Variants in NUP58 observed in about 807,000 individuals in gnomAD.
NUP58 encodes nucleoporin 58.
NUP58 carries 17 observed loss-of-function variants against 70.1 expected under a neutral mutation model. The observed-to-expected ratio is 0.24, with a 90% CI of 0.17 to 0.36. The LOEUF is 0.36. NUP58 is among the 10% of genes least tolerant of loss of function. The probability of loss-of-function intolerance (pLI) is 1.00; values close to 1 mark genes in which losing one functional copy is unlikely to be tolerated. For synonymous variants in NUP58, 275 were observed against 257.6 expected, an observed-to-expected ratio of 1.07 and a Z score of -0.65; for missense variants, 644 against 701.5, an observed-to-expected ratio of 0.92 and a Z score of 0.93.
At chr13:25,322,316 A>G (rs1231677148) in intron 9 of NUP58, among the ~76,000 whole-genome samples, 1 of 152,226 alleles carries the variant, frequency 6.6e-6, no homozygotes, top group East Asian at 1.9e-4. Flanking sequence ...CTTTTTAATA[A>G]TGATGTGTTA....
At position 25,313,113 on chromosome 13, in the gene NUP58, C is replaced by T. The variant is rs192154909; in HGVS notation, c.436+81C>T. On this transcript the variant is annotated intron_variant, in intron 4 of 15. Transcript: ENST00000381736. ...TTAGAGAACATAGATAGTCACCTTACTACAGAAATTATTGATTTATAAAGA... is the reference window on the plus strand; with the variant it reads ...TTAGAGAACATAGATAGTCACCTTATTACAGAAATTATTGATTTATAAAGA... 2.2e-4 allele frequency: 312 copies of T among 1,447,218 alleles called. 4 individuals carry two copies. In the Admixed American group the frequency reaches 6.8e-3, roughly 31 times the overall value. 89.6% of individuals were successfully genotyped at this position (1,447,218 alleles called of 1,614,324 possible).
intron 13 of NUP58, chr13:25,334,667 A>C (rs997157786): frequency 1.0e-6 from 1 of 979,724 alleles, no homozygotes; most frequent in Non-Finnish European, 1.2e-6. Flanking sequence ...TAATTACATT[A>C]GGCATTTGGG....
intron 15 of NUP58, chr13:25,339,023 A>C (rs1220780183): frequency 4.8e-6 from 1 of 206,428 alleles, no homozygotes; most frequent in East Asian, 1.1e-4. Context: ...ATGGTTAAAT[A>C]ATTTTCTTCA....
rs767482542 is a variant in NUP58 at position 25,331,528 on chromosome 13, A to G, written c.1405A>G (p.Thr469Ala). The G allele has an allele frequency of 4.3e-6, 7 of 1,614,114 alleles. No homozygotes were observed. Among genetic ancestry groups the G allele is most frequent in the Non-Finnish European group, 5.1e-6 (6 of 1,179,998 alleles). The change falls in exon 13 of 16, where the codon ACA (threonine) becomes GCA (alanine). Residue 469 changes from threonine (T) to alanine (A), a missense_variant. Thr to Ala is a moderately conservative substitution (Grantham distance 58). Transcript: ENST00000381736. ...PNAAAVAMAA[T>A]LTQQQQPATG... The stretch of plus-strand genomic sequence containing the variant: ...CGCAGCAGCCGTTGCCATGGCTGCA[A>G]CACTTACACAGCAGCAACAGCCTGC...
chr13:25,316,206 C>A (rs2030921894), intron 6 of NUP58, among the ~76,000 whole-genome samples: 1 of 152,158 alleles, frequency 6.6e-6, no homozygotes, highest in Non-Finnish European at 1.5e-5. Context: ...AAATACCTTT[C>A]TTGCTGTGCC....
chr13:25,318,600 CAAGT>C (rs1284638353), intron 6 of NUP58, among the ~76,000 whole-genome samples: 38 of 152,154 alleles, frequency 2.5e-4, no homozygotes, highest in African/African-American at 8.4e-4. Context: ...GTGCAAATCA[CAAGT>C]AAGCAGTTCA....
intron 10 of NUP58, among the ~76,000 whole-genome samples, chr13:25,325,549 A>G (rs1392232945): frequency 6.6e-6 from 1 of 152,214 alleles, no homozygotes; most frequent in East Asian, 1.9e-4. Context: ...TGAAGATAAT[A>G]ATAACTGATG....
intron 9 of NUP58, among the ~76,000 whole-genome samples, chr13:25,324,405 A>G (rs1462700789): frequency 6.6e-6 from 1 of 152,234 alleles, no homozygotes; most frequent in Admixed American, 6.5e-5. Flanking sequence ...AAAGCAATAT[A>G]AGAATGGTTG....
chr13:25,306,931 C>T (rs1211021086), intron 1 of NUP58, among the ~76,000 whole-genome samples: 2 of 152,098 alleles, frequency 1.3e-5, no homozygotes, highest in Non-Finnish European at 2.9e-5. Flanking sequence ...TTGCGTTTAA[C>T]TTTTGCCAGG....
chr13:25,307,685 A>T, intron 1 of NUP58, 121 bp from the exon 2 acceptor site: 2 of 891,926 alleles, frequency 2.2e-6, no homozygotes, highest in Non-Finnish European at 3.4e-6. Context: ...TGTATTAGAT[A>T]TGTTATGTGA....
downstream of NUP58, among the ~76,000 whole-genome samples, chr13:25,343,704 G>T (rs958360725): frequency 6.6e-6 from 1 of 151,296 alleles, no homozygotes; most frequent in Non-Finnish European, 1.5e-5. Flanking sequence ...TAATCTGCCC[G>T]CCTCGGCCTC....
rs2030442804 is a variant in NUP58, at chr13:25,307,751, G to T, written c.108-55G>T. The T allele has an allele frequency of 1.9e-6, 3 of 1,576,586 alleles. No individual in the cohort carries two copies. In the South Asian group the frequency reaches 3.4e-5, roughly 18 times the overall value. On this transcript the variant is annotated intron_variant, in intron 1 of 15. Coordinates refer to ENST00000381736, the MANE Select transcript of NUP58 (RefSeq NM_014089.4). ...TTTTCTTAAGTAAATATTGGCTCTA[G>T]TAGACCTCCTTTTGTGCATGTGATT...
chr13:25,336,904 TCC>T, intron 13 of NUP58, 30 bp from the exon 14 acceptor site: 1 of 1,402,704 alleles, frequency 7.1e-7, no homozygotes, highest in Non-Finnish European at 9.8e-7. Context: ...TTGTTTTTTT[TCC>T]CCCCCATTTT....
intron 7 of NUP58, 84 bp from the exon 8 acceptor site, chr13:25,320,446 T>C: frequency 1.1e-6 from 1 of 876,870 alleles, no homozygotes; most frequent in South Asian, 1.6e-5. Flanking sequence ...TCTTGTGTCT[T>C]AATACTCTAA....
chr13:25,335,535 G>A (rs950716594), intron 13 of NUP58: 2 of 984,714 alleles, frequency 2.0e-6, no homozygotes, highest in Non-Finnish European at 1.2e-6. Flanking sequence ...GAGCTGCTAG[G>A]CAGGTATTTT....
At chr13:25,308,203 G>GT (rs2030473100) in intron 2 of NUP58, 1 of 304,814 alleles carries the variant, frequency 3.3e-6, no homozygotes, top group Admixed American at 4.6e-5. Context: ...ATAATGTAGT[G>GT]TTTTTCCTTA....
At chr13:25,307,418 G>T (rs1036782483) in intron 1 of NUP58, among the ~76,000 whole-genome samples, 19 of 151,970 alleles carry the variant, frequency 1.3e-4, no homozygotes, top group South Asian at 4.1e-4. Flanking sequence ...GTTTCACCCT[G>T]TTGGTCAGGC....
At position 25,338,748 on chromosome 13, in the gene NUP58, C is replaced by T; in HGVS notation, c.1630+17C>T. The T allele has an allele frequency of 1.3e-6, 2 of 1,589,638 alleles. No individual in the cohort carries two copies. Among genetic ancestry groups the T allele is most frequent in the South Asian group, 1.1e-5 (1 of 90,112 alleles). ...TTAGTGCAGGTTTGTGTGTTTCTGCCTGGATTTCAGGCAAATTTAAAGGTG... is the reference window on the plus strand; with the variant it reads ...TTAGTGCAGGTTTGTGTGTTTCTGCTTGGATTTCAGGCAAATTTAAAGGTG... On this transcript the variant is annotated intron_variant, in intron 15 of 15. Coordinates refer to ENST00000381736, the MANE Select transcript of NUP58 (RefSeq NM_014089.4).
intron 11 of NUP58, 122 bp from the exon 12 acceptor site, chr13:25,327,308 T>C: frequency 3.3e-6 from 2 of 606,428 alleles, no homozygotes; most frequent in South Asian, 5.0e-5. Flanking sequence ...CATGAGAACG[T>C]TGATAGAGTT....
Sources: allele counts gnomAD v4.1 joint callset (sites outside exome capture counted in the v4.1 genomes callset), GRCh38; gene constraint gnomAD v4.1.1; transcripts MANE v1.5; gene names NCBI Gene and HGNC (gene_info 2026-07-23, HGNC 2026-07-21).